The following ACSL3 variants were observed in gnomAD, a reference collection of about 807,000 sequenced individuals.
ACSL3 encodes fatty acid CoA ligase Acsl3.
ACSL3 carries 34 observed loss-of-function variants against 84.7 expected under a neutral mutation model. The ratio of observed to expected loss-of-function variants is 0.40; its 90% CI spans 0.31 to 0.53. ACSL3 has a LOEUF of 0.53. ACSL3 is among the 20% of genes least tolerant of loss of function. The pLI, the probability that ACSL3 is intolerant of heterozygous loss-of-function variation, is 0.48. For synonymous variants in ACSL3, 315 were observed against 299.4 expected (o/e 1.05, Z -0.54); for missense variants, 680 against 873.1 (o/e 0.78, Z 2.79).
chr2:222,908,001 G>A (rs1696340038), intron 3 of ACSL3, among the ~76,000 whole-genome samples: 1 of 152,158 alleles, frequency 6.6e-6, no homozygotes, highest in African/African-American at 2.4e-5. Context: ...ATGCATGCAT[G>A]CATACCTACA....
chr2:222,928,652 TAA>T (rs5838971), intron 12 of ACSL3, among the ~76,000 whole-genome samples: 2 of 135,010 alleles, frequency 1.5e-5, no homozygotes, highest in Admixed American at 7.5e-5. Flanking sequence ...ATAACTAATT[TAA>T]AAAAAAAAAA....
chr2:222,863,291 A>G (rs1049076800), intron 1 of ACSL3, among the ~76,000 whole-genome samples: 2 of 152,298 alleles, frequency 1.3e-5, no homozygotes, highest in Non-Finnish European at 2.9e-5. Context: ...TGTTTTTTGA[A>G]TTGATGTGGT....
intron 9 of ACSL3, 86 bp downstream of exon 9, chr2:222,922,917 C>A (rs756205933): frequency 4.0e-4 from 612 of 1,540,646 alleles, no homozygotes; most frequent in Non-Finnish European, 5.0e-4. Context: ...CAGTATATTG[C>A]GAGAGCGATG....
chr2:222,873,243 A>G (rs1695353884), intron 1 of ACSL3, among the ~76,000 whole-genome samples: 1 of 152,228 alleles, frequency 6.6e-6, no homozygotes, highest in Non-Finnish European at 1.5e-5. Flanking sequence ...ATATAACAAT[A>G]TACCTGACCA....
intron 2 of ACSL3, among the ~76,000 whole-genome samples, chr2:222,900,295 T>C (rs531167999): frequency 3.8e-4 from 58 of 152,338 alleles, no homozygotes; most frequent in African/African-American, 1.3e-3. Context: ...CATTTTCTTA[T>C]TGGTTTCCTC....
intron 2 of ACSL3, among the ~76,000 whole-genome samples, chr2:222,894,318 G>T (rs970025690): frequency 6.6e-6 from 1 of 152,270 alleles, no homozygotes; most frequent in Middle Eastern, 3.4e-3. Context: ...ATACAGAGAA[G>T]AGATCTTCCT....
At chr2:222,899,712 A>G (rs919157756) in intron 2 of ACSL3, among the ~76,000 whole-genome samples, 18 of 152,300 alleles carry the variant, frequency 1.2e-4, no homozygotes, top group Admixed American at 9.8e-4. Context: ...CCCTGGGTAC[A>G]GTGCTGGTAT....
Position 222,916,420 on chromosome 2 carries a change from C to T in ACSL3, c.480C>T (p.Thr160=), listed in dbSNP as rs773667009. ...GLQMLGQKPK[T]NIAIFCETRA... ...AGATGTTGGGTCAGAAACCAAAGACCAACATCGCCATCTTCTGTGAGACCA... is the reference window on the plus strand; with the variant it reads ...AGATGTTGGGTCAGAAACCAAAGACTAACATCGCCATCTTCTGTGAGACCA... The change falls in exon 5 of 17, where the codon ACC becomes ACT. Residue 160 remains threonine, a synonymous_variant. Coordinates refer to ENST00000357430, the MANE Select transcript of ACSL3 (RefSeq NM_004457.5). The T allele has an allele frequency of 2.5e-6, 4 of 1,613,970 alleles. No individual in the cohort carries two copies. The highest frequency in any genetic ancestry group is 1.3e-5 in the African/African-American group (1 of 75,024).
intron 1 of ACSL3, among the ~76,000 whole-genome samples, chr2:222,877,954 A>G (rs1004159500): frequency 2.0e-5 from 3 of 152,228 alleles, no homozygotes; most frequent in Admixed American, 2.0e-4. Flanking sequence ...TCTTTCTTAG[A>G]TAAGTCAAGA....
At chr2:222,883,423 T>C (rs909118242) in intron 1 of ACSL3, among the ~76,000 whole-genome samples, 3 of 152,168 alleles carry the variant, frequency 2.0e-5, no homozygotes, top group African/African-American at 7.2e-5. Flanking sequence ...CCTCAGGTGA[T>C]CTGCCTGCCT....
At chr2:222,908,127 T>G (rs1051547861) in intron 3 of ACSL3, among the ~76,000 whole-genome samples, 1 of 152,250 alleles carries the variant, frequency 6.6e-6, no homozygotes, top group African/African-American at 2.4e-5. Flanking sequence ...CATAGTGGAT[T>G]TTCAATAAAT....
chr2:222,866,979 T>C (rs1288146725), intron 1 of ACSL3, among the ~76,000 whole-genome samples: 2 of 151,512 alleles, frequency 1.3e-5, no homozygotes, highest in Middle Eastern at 3.2e-3. Context: ...GAATTACAAG[T>C]ACCCACCACC....
intron 11 of ACSL3, 71 bp downstream of exon 11, chr2:222,924,666 C>T: frequency 7.4e-7 from 1 of 1,344,406 alleles, no homozygotes; most frequent in Non-Finnish European, 1.0e-6. Flanking sequence ...ATTAATAGCC[C>T]AATTAATTGA....
Position 222,916,464 on chromosome 2 carries a change from C to T in ACSL3, c.524C>T (p.Ala175Val). 1 of 1,612,374 alleles carries T rather than the reference C, an allele frequency of 6.2e-7. No homozygotes were observed. Among genetic ancestry groups the T allele is most frequent in the Non-Finnish European group, 8.5e-7 (1 of 1,179,168 alleles). ...FCETRAEWMI[A>V]AQACFMYNFQ... ...GAGACCAGGGCCGAGTGGATGATAG[C>T]TGCACAGGCGTGTTTTATGTATAAT... The change falls in exon 5 of 17, where the codon GCT becomes GTT. Residue 175 changes from alanine (A) to valine (V), a missense_variant. Transcript: ENST00000357430.
chr2:222,904,747 G>T, intron 3 of ACSL3: 1 of 154,036 alleles, frequency 6.5e-6, no homozygotes. Flanking sequence ...GCAAAAGCCT[G>T]ACTCACATAA....
At chr2:222,898,797 A>G (rs1696060472) in intron 2 of ACSL3, among the ~76,000 whole-genome samples, 2 of 152,228 alleles carry the variant, frequency 1.3e-5, no homozygotes, top group Non-Finnish European at 2.9e-5. Flanking sequence ...ACTGCACTCC[A>G]GCCTGGGCAA....
chr2:222,903,753 A>G (rs1696217415), intron 3 of ACSL3, among the ~76,000 whole-genome samples: 1 of 152,244 alleles, frequency 6.6e-6, no homozygotes, highest in Non-Finnish European at 1.5e-5. Context: ...AAAAATTAAC[A>G]AAACAGTCTT....
chr2:222,917,119 C>T (rs1374507543), intron 5 of ACSL3, among the ~76,000 whole-genome samples: 2 of 152,112 alleles, frequency 1.3e-5, no homozygotes, highest in African/African-American at 2.4e-5. Context: ...GAGATGGAGT[C>T]TCACTCTGTC....
chr2:222,890,161 T>G lies in ACSL3; in HGVS notation c.-148+2273T>G, dbSNP rs573217746. The stretch of plus-strand genomic sequence containing the variant: ...TTCTGTATATTTCCACAACATACTT[T>G]TAAGTTCTAATTATATGTTATTTTC... On this transcript the variant is annotated intron_variant, in intron 2 of 16. Transcript: ENST00000357430. Among the ~76,000 whole-genome samples, 127 of 152,344 alleles carry G rather than the reference T, an allele frequency of 8.3e-4. 1 individual carries two copies. Among genetic ancestry groups the G allele is most frequent in the African/African-American group, 2.9e-3 (120 of 41,590 alleles).
Sources: gnomAD v4.1 joint callset for allele counts (sites outside exome capture counted in the v4.1 genomes callset) on GRCh38, gnomAD v4.1.1 for gene constraint, MANE v1.5 for transcripts, NCBI Gene and HGNC (gene_info 2026-07-23, HGNC 2026-07-21) for gene names.